Variants in ACOT11 observed in about 807,000 individuals in gnomAD.
ACOT11 encodes acyl-CoA thioesterase 11.
Under a neutral mutation model 77.5 loss-of-function variants are expected in ACOT11, and 69 were observed. The observed-to-expected ratio is 0.89, with a 90% CI of 0.73 to 1.09. The LOEUF is 1.09. Ranked by LOEUF, ACOT11 falls within the 50% of genes least tolerant of loss-of-function variation. The pLI is 0.00. For missense variants in ACOT11, 766 were observed against 813.7 expected (o/e 0.94, Z 0.71); for synonymous variants, 279 against 313.0 (o/e 0.89, Z 1.15).
At chr1:54,614,047 C>T (rs190957279), downstream of ACOT11, among the ~76,000 whole-genome samples, 336 of 152,342 alleles carry the variant, frequency 2.2e-3, no homozygotes, top group Non-Finnish European at 4.0e-3. Context: ...TAAAACAGTT[C>T]TGGGACACAT....
In ACOT11 at chr1:54,609,600, C is replaced by A. The variant is rs1190451892; in HGVS notation, c.*488C>A. The A allele has an allele frequency of 1.9e-6, 3 of 1,613,172 alleles. No homozygotes were observed. Among genetic ancestry groups the A allele is most frequent in the Non-Finnish European group, 2.5e-6 (3 of 1,180,052 alleles). The stretch of plus-strand genomic sequence containing the variant: ...ACCTCCTCAGGCCAGCCTGGTGCCA[C>A]AGTCACGTGGGGGAAGACCTCAGCC... On this transcript the variant is annotated 3_prime_UTR_variant, in exon 16 of 16. Coordinates refer to ENST00000343744, the MANE Select transcript of ACOT11 (RefSeq NM_147161.4).
intron 3 of ACOT11, among the ~76,000 whole-genome samples, chr1:54,589,854 C>G (rs1472283398): frequency 1.3e-5 from 2 of 151,996 alleles, no homozygotes; most frequent in Non-Finnish European, 2.9e-5. Flanking sequence ...ATAGGGAGGC[C>G]GAGGTGGACA....
At chr1:54,551,732 G>GTTTTTGTTTTTGT (rs548318091) in intron 1 of ACOT11, among the ~76,000 whole-genome samples, 5 of 149,926 alleles carry the variant, frequency 3.3e-5, no homozygotes, top group African/African-American at 1.2e-4. Context: ...TTTTTGTTTT[G>GTTTTTGTTTTTGT]TTTTGTTTTT....
intron 6 of ACOT11, among the ~76,000 whole-genome samples, chr1:54,596,563 T>C (rs936775598): frequency 2.6e-5 from 4 of 152,076 alleles, no homozygotes; most frequent in Admixed American, 6.5e-5. Flanking sequence ...TTTACTGGAG[T>C]CAAGTACTTT....
chr1:54,605,676 A>G (rs1644016519), intron 13 of ACOT11, among the ~76,000 whole-genome samples: 1 of 152,160 alleles, frequency 6.6e-6, no homozygotes, highest in South Asian at 2.1e-4. Context: ...TGAACTTACC[A>G]AGTTTGCTGA....
intron 1 of ACOT11, among the ~76,000 whole-genome samples, chr1:54,559,022 C>A (rs1653368215): frequency 6.6e-6 from 1 of 152,198 alleles, no homozygotes; most frequent in Non-Finnish European, 1.5e-5. Flanking sequence ...TGACTCCTCA[C>A]AACAGGGAGG....
chr1:54,583,838 T>C, intron 1 of ACOT11, among the ~76,000 whole-genome samples: 1 of 152,206 alleles, frequency 6.6e-6, no homozygotes, highest in Admixed American at 6.5e-5. Context: ...CTCATTTTTC[T>C]CACACATGCA....
At chr1:54,603,742 T>A (rs1458116862) in intron 10 of ACOT11, 129 bp from the exon 11 acceptor site, 1 of 848,118 alleles carries the variant, frequency 1.2e-6, no homozygotes, top group East Asian at 2.4e-5. Flanking sequence ...CCAGCCTCCC[T>A]ACCCAGACAG....
At chr1:54,597,182 G>T in intron 6 of ACOT11, 77 bp from the exon 7 acceptor site, 1 of 1,577,290 alleles carries the variant, frequency 6.3e-7, no homozygotes, top group Non-Finnish European at 8.6e-7. Flanking sequence ...GGGGTCCCAG[G>T]GCTGCCTGTG....
chr1:54,611,666 C>T (rs915364891), downstream of ACOT11: 1 of 1,613,956 alleles, frequency 6.2e-7, no homozygotes, highest in African/African-American at 1.3e-5. Flanking sequence ...ACTTGGTGGA[C>T]AGCAGTGTTA....
exon 17 of ACOT11, chr1:54,637,091 C>T (rs1644335522): frequency 6.6e-6 from 1 of 152,288 alleles, no homozygotes. Flanking sequence ...TCTCTCTTTT[C>T]CCCACAGTTA....
chr1:54,619,175 C>T lies in ACOT11; in HGVS notation c.1629+11107C>T, dbSNP rs768900385. 3.9e-5 allele frequency among the ~76,000 whole-genome samples: 6 copies of T among 152,186 alleles called. 1 individual carries two copies. Among genetic ancestry groups the T allele is most frequent in the Non-Finnish European group, 8.8e-5 (6 of 68,038 alleles). On this transcript the variant is annotated intron_variant, in intron 15 of 16. Coordinates refer to the ACOT11 transcript ENST00000371316. ...GGCCAGCAGCCTGTGTCTTCTGAAA[C>T]GTGCCCAGGTTTGAGGACTGTTCCC...
intron 15 of ACOT11, among the ~76,000 whole-genome samples, chr1:54,630,533 A>T (rs2101033238): frequency 6.6e-6 from 1 of 152,340 alleles, no homozygotes; most frequent in African/African-American, 2.4e-5. Context: ...TGCTGCAATT[A>T]ATTCGGCACA....
rs79152476 is a variant in ACOT11, at chr1:54,580,393, G to T, written c.34-4262G>T. ...ATACCTTCTCCAGAAGTCTTCCATC[G>T]TTTCTGGGGACTTCTTGGCCTGGCC... On this transcript the variant is annotated intron_variant, in intron 1 of 15. Transcript: ENST00000343744. Among the ~76,000 whole-genome samples the T allele has an allele frequency of 4.9e-3, 743 of 152,230 alleles. 1 individual carries two copies. The highest frequency in any genetic ancestry group is 0.017 in the African/African-American group (712 of 41,538).
intron 11 of ACOT11, 112 bp downstream of exon 11, chr1:54,604,049 A>G: frequency 1.0e-6 from 1 of 987,970 alleles, no homozygotes; most frequent in East Asian, 2.5e-5. Context: ...TATGAATGAC[A>G]CGCCTCATGA....
Position 54,584,848 on chromosome 1 carries a change from C to T in ACOT11, c.227C>T (p.Thr76Met), listed in dbSNP as rs751281591. ...CAGCTGCTCAAGTGGATTGACACCA[C>T]GGCTTGCCTGTCCGGTAAGGCTGCG... is the stretch of plus-strand genomic sequence containing the variant. ...VGQLLKWIDT[T>M]ACLSAERHAG... Residue 76 changes from threonine to methionine, a missense_variant, in exon 2 of 16, where the codon ACG (threonine) becomes ATG (methionine). By Grantham distance (81) the Thr-to-Met change is moderately conservative. Transcript: ENST00000343744. This position sits in a 1 kb window ranked among gnomAD's most constrained non-coding sequence, Gnocchi z 6.3. 1.9e-5 allele frequency: 31 copies of T among 1,613,138 alleles called. No homozygotes were observed. Among genetic ancestry groups the T allele is most frequent in the African/African-American group, 1.2e-4 (9 of 74,902 alleles).
chr1:54,569,041 G>A (rs1056167329), intron 1 of ACOT11, among the ~76,000 whole-genome samples: 1 of 151,692 alleles, frequency 6.6e-6, no homozygotes, highest in Non-Finnish European at 1.5e-5. Flanking sequence ...AGCCTGGGAG[G>A]TCAAGGCTGC....
intron 1 of ACOT11, among the ~76,000 whole-genome samples, chr1:54,562,495 GA>G (rs1281335068): frequency 1.4e-5 from 1 of 69,616 alleles, no homozygotes; most frequent in African/African-American, 6.8e-5. Context: ...GCGGGGGGCT[GA>G]CCCCCCCACC....
In ACOT11 at chr1:54,594,703, C is replaced by T; in HGVS notation, c.607+12C>T. 6.2e-7 allele frequency: 1 copy of T among 1,604,604 alleles called. No homozygotes were observed. The highest frequency in any genetic ancestry group is 8.5e-7 in the Non-Finnish European group (1 of 1,173,556). ...CGCCATTCAGGGCGGTGAGCAGCTGCCAGCTGTGCATGGGGAGGGTAGCTG... is the reference window on the plus strand; with the variant it reads ...CGCCATTCAGGGCGGTGAGCAGCTGTCAGCTGTGCATGGGGAGGGTAGCTG... On this transcript the variant is annotated intron_variant, in intron 6 of 15. Transcript: ENST00000343744.
Sources: gnomAD v4.1 joint callset for allele counts (sites outside exome capture counted in the v4.1 genomes callset) on GRCh38, gnomAD v4.1.1 for gene constraint, Gnocchi (gnomAD v3.1) non-coding constraint, MANE v1.5 for transcripts, NCBI Gene and HGNC (gene_info 2026-07-23, HGNC 2026-07-21) for gene names.